The following TTC28 variants were observed in gnomAD, a reference collection of about 807,000 sequenced individuals.
TTC28 encodes the protein tetratricopeptide repeat domain 28, also known as tetratricopeptide repeat protein 28.
Under a neutral mutation model 198.0 loss-of-function variants are expected in TTC28, and 61 were observed. The ratio of observed to expected loss-of-function variants is 0.31; its 90% confidence interval spans 0.25 to 0.38. TTC28 has a LOEUF of 0.38. Ranked by LOEUF, TTC28 falls within the 10% of genes least tolerant of loss-of-function variation. The pLI, the probability that TTC28 is intolerant of heterozygous loss-of-function variation, is 1.00. For synonymous variants in TTC28, 1,171 were observed against 1,297.8 expected (o/e 0.90, Z 2.10); for missense variants, 2,678 against 3,164.0 (o/e 0.85, Z 3.69).
rs533662222 is a variant in TTC28 at position 28,627,143 on chromosome 22, A to G, written c.381+2409T>C. Among the ~76,000 whole-genome samples the G allele has an allele frequency of 2.6e-5, 4 of 152,292 alleles. No individual in the cohort carries two copies. In the South Asian group the frequency reaches 6.2e-4, roughly 24 times the overall value. On this transcript the variant is annotated intron_variant, in intron 2 of 22. Transcript: ENST00000397906. The stretch of plus-strand genomic sequence containing the variant: ...AGAGACAGAGGCAGATATATATGCA[A>G]AACCTTGCTAGAATAATCTACTAAT...
intron 2 of TTC28, among the ~76,000 whole-genome samples, chr22:28,629,027 CT>C (rs2051124587): frequency 6.6e-6 from 1 of 151,842 alleles, no homozygotes; most frequent in Admixed American, 6.6e-5. Flanking sequence ...AGTATGCACA[CT>C]GAAAATAAAG....
chr22:27,991,710 T>A (rs1042191901), intron 19 of TTC28, among the ~76,000 whole-genome samples: 5 of 152,150 alleles, frequency 3.3e-5, no homozygotes, highest in African/African-American at 1.2e-4. Context: ...CCAGAAGTGC[T>A]CCCACAGCTG....
Position 28,297,734 on chromosome 22 carries a change from C to A in TTC28, c.648G>T (p.Val216=). 6.4e-7 allele frequency: 1 copy of A among 1,551,646 alleles called. No individual in the cohort carries two copies. Among genetic ancestry groups the A allele is most frequent in the Non-Finnish European group, 8.7e-7 (1 of 1,147,000 alleles). Residue 216 remains valine, a synonymous_variant, in exon 4 of 23, where the codon GTG becomes GTT. Coordinates refer to ENST00000397906, the MANE Select transcript of TTC28 (RefSeq NM_001145418.2). ...LLTAGHHGAS[V]VVLEAALKIG... ...TCTTCAGTGCGGCTTCTAAGACAAC[C>A]ACAGAGGCCCCATGATGGCCAGCTG...
At chr22:28,023,980 C>T (rs1029133100) in intron 13 of TTC28, among the ~76,000 whole-genome samples, 11 of 152,136 alleles carry the variant, frequency 7.2e-5, no homozygotes, top group Middle Eastern at 3.2e-3. Context: ...TCAGCAGACG[C>T]GCACTGCTGT....
intron 2 of TTC28, among the ~76,000 whole-genome samples, chr22:28,531,869 A>G (rs562195922): frequency 2.3e-4 from 35 of 152,348 alleles, no homozygotes; most frequent in Admixed American, 5.9e-4. Context: ...AATGAGAACA[A>G]AGACACAACA....
chr22:28,517,161 A>C (rs1025804945), intron 2 of TTC28, among the ~76,000 whole-genome samples: 2 of 152,164 alleles, frequency 1.3e-5, no homozygotes, highest in Non-Finnish European at 2.9e-5. Flanking sequence ...CTTACAATAA[A>C]GGTATAAAGC....
At chr22:28,473,333 A>G (rs1010486979) in intron 2 of TTC28, among the ~76,000 whole-genome samples, 1 of 152,112 alleles carries the variant, frequency 6.6e-6, no homozygotes, top group African/African-American at 2.4e-5. Flanking sequence ...TCATATTGAG[A>G]TAGGAAGTAG....
At position 28,652,442 on chromosome 22, in the gene TTC28, T is replaced by G. The variant is rs187054870; in HGVS notation, c.103-22612A>C. Among the ~76,000 whole-genome samples, 82 of 152,352 alleles carry G rather than the reference T, an allele frequency of 5.4e-4. 1 individual carries two copies. In the East Asian group the frequency reaches 0.013, roughly 25 times the overall value. On this transcript the variant is annotated intron_variant, in intron 1 of 22. Transcript: ENST00000397906. ...GGCTTGACAGCAACTACTGTACTGT[T>G]TTTGCCAGACATCTTCAAAAATCTC... is the stretch of plus-strand genomic sequence containing the variant.
intron 5 of TTC28, among the ~76,000 whole-genome samples, chr22:28,270,855 G>A (rs1016276927): frequency 2.0e-5 from 3 of 152,044 alleles, no homozygotes; most frequent in Admixed American, 1.3e-4. Flanking sequence ...GCAACATAGC[G>A]AGACTCTTGC....
At chr22:28,121,544 T>TTTG (rs1277510078) in intron 6 of TTC28, among the ~76,000 whole-genome samples, 2 of 152,200 alleles carry the variant, frequency 1.3e-5, no homozygotes, top group East Asian at 3.9e-4. Flanking sequence ...TCTTTTAGTT[T>TTTG]TTGTTGTTGT....
intron 2 of TTC28, among the ~76,000 whole-genome samples, chr22:28,335,151 G>T (rs2045689451): frequency 6.6e-6 from 1 of 152,204 alleles, no homozygotes; most frequent in African/African-American, 2.4e-5. Context: ...GTTTGCCAAA[G>T]ATGAGAGAGT....
chr22:27,992,451 C>G, intron 19 of TTC28, 136 bp downstream of exon 19: 1 of 897,162 alleles, frequency 1.1e-6, no homozygotes, highest in Admixed American at 2.7e-5. Context: ...TACTCCCGGC[C>G]CTCACCTTCT....
At chr22:28,164,407 C>A (rs532952867) in intron 5 of TTC28, among the ~76,000 whole-genome samples, 111 of 152,320 alleles carry the variant, frequency 7.3e-4, no homozygotes, top group Admixed American at 1.9e-3. Context: ...TAGGGGCGGA[C>A]TGACACCTCA....
chr22:28,038,306 G>T (rs1939449986), intron 12 of TTC28, among the ~76,000 whole-genome samples: 1 of 152,148 alleles, frequency 6.6e-6, no homozygotes, highest in African/African-American at 2.4e-5. Flanking sequence ...GCATGGTACT[G>T]GTACCAAAAC....
At chr22:28,264,528 AAGG>A (rs2147308405) in intron 5 of TTC28, among the ~76,000 whole-genome samples, 1 of 152,316 alleles carries the variant, frequency 6.6e-6, no homozygotes, top group South Asian at 2.1e-4. Flanking sequence ...AGGCTCTGGG[AAGG>A]AGAAGAAAGG....
rs1480555719 is a variant in TTC28, at chr22:28,030,218, A to T, written c.4073+8T>A. The T allele has an allele frequency of 6.4e-7, 1 of 1,551,548 alleles. No homozygotes were observed. The highest frequency in any genetic ancestry group is 2.0e-5 in the Admixed American group (1 of 51,006). ...GCACTGGGCCTGGGGAAAGCGCCCCACACTCACCTGTTAAACAGGTTATTG... is the reference window on the plus strand; with the variant it reads ...GCACTGGGCCTGGGGAAAGCGCCCCTCACTCACCTGTTAAACAGGTTATTG... On this transcript the variant is annotated splice_region_variant and intron_variant, in intron 13 of 22. Coordinates refer to ENST00000397906, the MANE Select transcript of TTC28 (RefSeq NM_001145418.2).
At chr22:27,994,392 C>T (rs1294359149) in intron 17 of TTC28, 1 of 152,116 alleles carries the variant, frequency 6.6e-6, no homozygotes, top group Non-Finnish European at 1.5e-5. Context: ...GTTGGGTGCC[C>T]TATGAGGCAC....
chr22:28,590,766 T>C (rs1569044595), intron 2 of TTC28, among the ~76,000 whole-genome samples: 1 of 151,240 alleles, frequency 6.6e-6, no homozygotes, highest in African/African-American at 2.4e-5. Flanking sequence ...CCCAGCACTT[T>C]GGGAGGCCGA....
intron 1 of TTC28, among the ~76,000 whole-genome samples, chr22:28,658,038 T>C (rs1341168136): frequency 1.3e-5 from 2 of 152,220 alleles, no homozygotes; most frequent in Non-Finnish European, 2.9e-5. Context: ...CTTACAATAT[T>C]GTTAAACATA....
Sources: gnomAD v4.1 joint callset for allele counts (sites outside exome capture counted in the v4.1 genomes callset) on GRCh38, gnomAD v4.1.1 for gene constraint, MANE v1.5 for transcripts, NCBI Gene and HGNC (gene_info 2026-07-23, HGNC 2026-07-21) for gene names.